The following KCNK13 variants were observed in gnomAD, a reference collection of about 807,000 sequenced individuals.
KCNK13 encodes potassium channel subfamily K member 13.
KCNK13 carries 12 observed loss-of-function variants against 23.4 expected under a neutral mutation model. That is an observed-to-expected ratio of 0.51 (90% CI 0.33 to 0.83). KCNK13 has a LOEUF of 0.83. KCNK13 is among the 40% of genes least tolerant of loss of function. The probability of loss-of-function intolerance (pLI) is 0.02; values close to 1 mark genes in which losing one functional copy is unlikely to be tolerated. For synonymous variants in KCNK13, 231 were observed against 229.5 expected, an observed-to-expected ratio of 1.01 and a Z score of -0.06; for missense variants, 463 against 556.3, an observed-to-expected ratio of 0.83 and a Z score of 1.69.
chr14:90,149,499 GC>G (rs906728280), intron 1 of KCNK13, among the ~76,000 whole-genome samples: 6 of 152,230 alleles, frequency 3.9e-5, no homozygotes, highest in African/African-American at 7.2e-5. Context: ...CAGGGGAACT[GC>G]CCTTTATTAA....
chr14:90,095,444 C>T (rs957225087), intron 1 of KCNK13, among the ~76,000 whole-genome samples: 2 of 152,188 alleles, frequency 1.3e-5, no homozygotes, highest in African/African-American at 4.8e-5. Flanking sequence ...TTTTGCTCTT[C>T]CTTGAGAGTC....
chr14:90,173,079 A>G (rs1890383466), intron 1 of KCNK13, among the ~76,000 whole-genome samples: 1 of 152,258 alleles, frequency 6.6e-6, no homozygotes. Context: ...GGTGCTAAAG[A>G]GAATATTCAA....
At chr14:90,178,391 A>C (rs7492827) in intron 1 of KCNK13, among the ~76,000 whole-genome samples, 1 of 151,850 alleles carries the variant, frequency 6.6e-6, no homozygotes, top group Non-Finnish European at 1.5e-5. Context: ...TCCCGGGTTC[A>C]AGTGATTCTC....
chr14:90,125,514 T>C (rs1019709744), intron 1 of KCNK13, among the ~76,000 whole-genome samples: 15 of 151,970 alleles, frequency 9.9e-5, no homozygotes, highest in Non-Finnish European at 2.1e-4. Flanking sequence ...TGAGCCACCT[T>C]GCCCAGCCGA....
At chr14:90,096,557 G>T (rs138985307) in intron 1 of KCNK13, among the ~76,000 whole-genome samples, 3 of 152,240 alleles carry the variant, frequency 2.0e-5, no homozygotes, top group African/African-American at 7.2e-5. Context: ...ATATATGACC[G>T]TGTTTTCTGT....
chr14:90,135,001 C>T (rs1041823865), intron 1 of KCNK13, among the ~76,000 whole-genome samples: 5 of 152,166 alleles, frequency 3.3e-5, no homozygotes, highest in Non-Finnish European at 7.3e-5. Flanking sequence ...GTTTTTACCC[C>T]GCTTCCAAGG....
chr14:90,125,585 G>A (rs924045726), intron 1 of KCNK13, among the ~76,000 whole-genome samples: 7 of 122,798 alleles, frequency 5.7e-5, no homozygotes, highest in Admixed American at 9.7e-5. Context: ...AAGGAAGTGC[G>A]TAAACACACA....
intron 1 of KCNK13, among the ~76,000 whole-genome samples, chr14:90,129,840 G>T (rs537055182): frequency 1.7e-3 from 255 of 152,084 alleles, no homozygotes; most frequent in African/African-American, 5.9e-3. Context: ...ACAAGCAGAA[G>T]AATGGGCTCT....
intron 1 of KCNK13, among the ~76,000 whole-genome samples, chr14:90,155,161 G>A (rs1430518859): frequency 1.3e-5 from 2 of 152,166 alleles, no homozygotes; most frequent in Admixed American, 1.3e-4. Context: ...GTTGGGGAAG[G>A]CTTCACTGAG....
chr14:90,169,081 TAGC>T (rs1440306026), intron 1 of KCNK13, among the ~76,000 whole-genome samples: 2 of 152,232 alleles, frequency 1.3e-5, no homozygotes, highest in Non-Finnish European at 2.9e-5. Flanking sequence ...ATGTGTTTAT[TAGC>T]AGCGTGAGAA....
intron 1 of KCNK13, among the ~76,000 whole-genome samples, chr14:90,151,693 A>G (rs567981124): frequency 6.6e-6 from 1 of 152,286 alleles, no homozygotes; most frequent in South Asian, 2.1e-4. Flanking sequence ...ATATCCAAAA[A>G]ATCATTGCCA....
At chr14:90,183,210 G>T (rs75215939) in intron 1 of KCNK13, among the ~76,000 whole-genome samples, 1 of 152,108 alleles carries the variant, frequency 6.6e-6, no homozygotes, top group Non-Finnish European at 1.5e-5. Context: ...CAAAATGAAC[G>T]TTTTATAGTT....
At chr14:90,088,272 C>T (rs190945731) in intron 1 of KCNK13, among the ~76,000 whole-genome samples, 79 of 152,264 alleles carry the variant, frequency 5.2e-4, no homozygotes, top group African/African-American at 1.8e-3. Context: ...CCAAAGGCAA[C>T]ATGCTTTATT....
chr14:90,072,269 C>T (rs533046340), intron 1 of KCNK13, among the ~76,000 whole-genome samples: 69 of 152,326 alleles, frequency 4.5e-4, no homozygotes, highest in African/African-American at 1.7e-3. Flanking sequence ...AATCAGCTCT[C>T]CTGTGTCTCT....
rs1421418538 is a variant in KCNK13, at chr14:90,144,129, A to G, written c.335-39982A>G. Among the ~76,000 whole-genome samples, 6 of 152,172 alleles carry G rather than the reference A, an allele frequency of 3.9e-5. No individual in the cohort carries two copies. The East Asian group carries it at 1.2e-3, about 29-fold the overall frequency. ...TGGAATTTTGATTAGAATTGCATTG[A>G]ATCAATCTGGGGAGAACTGACATCC... On this transcript the variant is annotated intron_variant, in intron 1 of 1. Transcript: ENST00000282146.
chr14:90,107,002 C>T (rs1424557590), intron 1 of KCNK13, among the ~76,000 whole-genome samples: 1 of 152,092 alleles, frequency 6.6e-6, no homozygotes, highest in African/African-American at 2.4e-5. Flanking sequence ...GCCTGGGAGA[C>T]AGACTGAGAC....
chr14:90,175,008 C>T (rs1181973876), intron 1 of KCNK13, among the ~76,000 whole-genome samples: 1 of 152,216 alleles, frequency 6.6e-6, no homozygotes, highest in African/African-American at 2.4e-5. Flanking sequence ...GTTCAGTCCT[C>T]AGCTCCCCCT....
chr14:90,181,781 A>G (rs917862516), intron 1 of KCNK13, among the ~76,000 whole-genome samples: 1 of 152,180 alleles, frequency 6.6e-6, no homozygotes, highest in Non-Finnish European at 1.5e-5. Flanking sequence ...CCCCCAGCCC[A>G]CACATCTCTC....
In KCNK13 at chr14:90,062,376, G is replaced by C. The variant is rs1268001820; in HGVS notation, c.171G>C (p.Leu57=). 1 of 1,553,826 alleles carries C rather than the reference G, an allele frequency of 6.4e-7. No individual in the cohort carries two copies. The highest frequency in any genetic ancestry group is 8.7e-7 in the Non-Finnish European group (1 of 1,150,386). Residue 57 remains leucine, a synonymous_variant, in exon 1 of 2, where the codon CTG becomes CTC. Transcript: ENST00000282146. The surrounding 1 kb of genome is among the most constrained non-coding windows in gnomAD (Gnocchi z 4.5). The part of the protein sequence containing the change: ...RQAKQRWEER[L]ANFSRGHNLS... ...CCAAGCAGCGCTGGGAGGAGCGCCT[G>C]GCCAACTTCAGCCGCGGCCACAACC...
Sources: gnomAD v4.1 joint callset for allele counts (sites outside exome capture counted in the v4.1 genomes callset) on GRCh38, gnomAD v4.1.1 for gene constraint, Gnocchi (gnomAD v3.1) non-coding constraint, MANE v1.5 for transcripts, NCBI Gene and HGNC (gene_info 2026-07-23, HGNC 2026-07-21) for gene names.